The following SNTG1 variants were observed in gnomAD, a reference collection of about 807,000 sequenced individuals.
SNTG1 encodes gamma-1-syntrophin.
SNTG1 carries 39 observed loss-of-function variants against 74.7 expected under a neutral mutation model. The observed-to-expected ratio is 0.52, with a 90% CI of 0.40 to 0.68. The LOEUF (loss-of-function observed/expected upper bound fraction) is 0.68. SNTG1 is among the 30% of genes least tolerant of loss of function. The probability of loss-of-function intolerance (pLI) is 0.00; values close to 1 mark genes in which losing one functional copy is unlikely to be tolerated. For synonymous variants in SNTG1, 254 were observed against 217.1 expected (o/e 1.17, Z -1.49); for missense variants, 685 against 609.5 (o/e 1.12, Z -1.30).
chr8:50,020,309 G>T (rs940960683), intron 1 of SNTG1, among the ~76,000 whole-genome samples: 1 of 152,020 alleles, frequency 6.6e-6, no homozygotes, highest in Non-Finnish European at 1.5e-5. Context: ...CTTGGGATTG[G>T]TTTTGACATA....
At chr8:50,084,556 G>T (rs1441093698) in intron 1 of SNTG1, among the ~76,000 whole-genome samples, 1 of 152,174 alleles carries the variant, frequency 6.6e-6, no homozygotes, top group Non-Finnish European at 1.5e-5. Context: ...GTCATTTGCA[G>T]GTCCTTGGTT....
At chr8:50,540,821 T>A (rs1038203344) in intron 11 of SNTG1, among the ~76,000 whole-genome samples, 2 of 152,124 alleles carry the variant, frequency 1.3e-5, no homozygotes, top group Non-Finnish European at 2.9e-5. Context: ...TTTGTTAATA[T>A]CTACTTGTAT....
At chr8:49,997,073 CT>C (rs1814293499) in intron 1 of SNTG1, among the ~76,000 whole-genome samples, 1 of 152,022 alleles carries the variant, frequency 6.6e-6, no homozygotes, top group African/African-American at 2.4e-5. Context: ...TTACTTTGTC[CT>C]TTGAGAATAT....
At chr8:50,239,383 C>T (rs762304029) in intron 2 of SNTG1, among the ~76,000 whole-genome samples, 3 of 152,124 alleles carry the variant, frequency 2.0e-5, no homozygotes, top group Non-Finnish European at 4.4e-5. Context: ...AGGAAACTTA[C>T]AATCATGGTG....
chr8:50,546,462 G>T (rs1411694048), intron 11 of SNTG1, among the ~76,000 whole-genome samples: 7 of 151,756 alleles, frequency 4.6e-5, no homozygotes, highest in Non-Finnish European at 1.0e-4. Flanking sequence ...TACATGTGCC[G>T]TGTTGGTGTG....
chr8:50,758,887 G>A (rs1427432265), intron 18 of SNTG1, among the ~76,000 whole-genome samples: 2 of 152,038 alleles, frequency 1.3e-5, no homozygotes, highest in East Asian at 3.9e-4. Flanking sequence ...GAGCCTTGAG[G>A]AATCGCCACT....
chr8:50,433,479 GT>G (rs11444705), intron 4 of SNTG1, among the ~76,000 whole-genome samples: 5,664 of 141,924 alleles, frequency 0.04, 162 homozygotes, highest in South Asian at 0.085. Flanking sequence ...TGAGTTTTCT[GT>G]TTTTTTTTTT....
At chr8:50,487,536 A>G (rs2093807836) in intron 8 of SNTG1, among the ~76,000 whole-genome samples, 1 of 152,134 alleles carries the variant, frequency 6.6e-6, no homozygotes, top group Non-Finnish European at 1.5e-5. Flanking sequence ...ATGTCTTTGG[A>G]GGGACATGGA....
At chr8:50,079,570 A>G (rs1207108436) in intron 1 of SNTG1, among the ~76,000 whole-genome samples, 2 of 152,100 alleles carry the variant, frequency 1.3e-5, no homozygotes, top group African/African-American at 4.8e-5. Flanking sequence ...TAGTTTAATT[A>G]GATCCCATTT....
intron 2 of SNTG1, among the ~76,000 whole-genome samples, chr8:50,252,972 A>C (rs959122771): frequency 6.6e-6 from 1 of 152,216 alleles, no homozygotes; most frequent in African/African-American, 2.4e-5. Context: ...GAAAACCACA[A>C]TAAGATACAC....
intron 1 of SNTG1, among the ~76,000 whole-genome samples, chr8:50,036,441 T>A (rs1024092158): frequency 6.6e-6 from 1 of 152,200 alleles, no homozygotes; most frequent in African/African-American, 2.4e-5. Context: ...AGCTTCAGCA[T>A]AGATAGCCTT....
In SNTG1 at chr8:50,092,213, G is replaced by A. The variant is rs572340852; in HGVS notation, c.-102-80348G>A. Reference sequence around the variant, plus strand: ...GGAGGACATAGCAGGGACTTCATACGTGGGGATGAATCAATGTCAAATGAG... The same window carrying A: ...GGAGGACATAGCAGGGACTTCATACATGGGGATGAATCAATGTCAAATGAG... On this transcript the variant is annotated intron_variant, in intron 1 of 18. Coordinates refer to ENST00000642720, the MANE Select transcript of SNTG1 (RefSeq NM_018967.5). 9.2e-5 allele frequency among the ~76,000 whole-genome samples: 14 copies of A among 152,264 alleles called. No homozygotes were observed. In the South Asian group the frequency reaches 2.1e-3, roughly 23 times the overall value.
At chr8:50,216,661 A>G (rs572232476) in intron 2 of SNTG1, among the ~76,000 whole-genome samples, 39 of 152,280 alleles carry the variant, frequency 2.6e-4, no homozygotes, top group African/African-American at 9.4e-4. Flanking sequence ...GGTAATTACA[A>G]CTTTGTTGGC....
chr8:50,105,292 T>G (rs1323094118), intron 1 of SNTG1, among the ~76,000 whole-genome samples: 1 of 152,152 alleles, frequency 6.6e-6, no homozygotes, highest in Admixed American at 6.6e-5. Flanking sequence ...AGGAAGTTCT[T>G]TTCCCATTGC....
chr8:50,265,631 C>T (rs1284955683), intron 2 of SNTG1, among the ~76,000 whole-genome samples: 1 of 151,776 alleles, frequency 6.6e-6, no homozygotes, highest in African/African-American at 2.4e-5. Context: ...GGCAATTCAC[C>T]AAGAATATGG....
chr8:50,015,513 TA>T (rs201639117), intron 1 of SNTG1, among the ~76,000 whole-genome samples: 2,235 of 149,220 alleles, frequency 0.015, 54 homozygotes, highest in African/African-American at 0.052. Flanking sequence ...CAAATTTGTG[TA>T]AAAAAATGTT....
chr8:50,498,845 G>T (rs951550314), intron 8 of SNTG1, among the ~76,000 whole-genome samples: 2 of 151,696 alleles, frequency 1.3e-5, no homozygotes, highest in Non-Finnish European at 3.0e-5. Context: ...TTGTTAAAAA[G>T]ATTTTACTTT....
intron 2 of SNTG1, among the ~76,000 whole-genome samples, chr8:50,196,045 A>G (rs919291059): frequency 6.6e-6 from 1 of 152,192 alleles, no homozygotes; most frequent in Non-Finnish European, 1.5e-5. Flanking sequence ...AGTAAATTTC[A>G]GGAATTATTT....
At chr8:50,648,546 C>A (rs2095124854) in intron 13 of SNTG1, among the ~76,000 whole-genome samples, 1 of 152,000 alleles carries the variant, frequency 6.6e-6, no homozygotes, top group Non-Finnish European at 1.5e-5. Flanking sequence ...ATTACAATGA[C>A]CCCAGAATGA....
Sources: allele counts gnomAD v4.1 joint callset (sites outside exome capture counted in the v4.1 genomes callset), GRCh38; gene constraint gnomAD v4.1.1; transcripts MANE v1.5; gene names NCBI Gene and HGNC (gene_info 2026-07-23, HGNC 2026-07-21).